The following GALNT18 variants were observed in gnomAD, a reference collection of about 807,000 sequenced individuals.
GALNT18 encodes polypeptide N-acetylgalactosaminyltransferase 18, also known as GalNAc-transferase 18.
In GALNT18, 44 loss-of-function variants were observed where a neutral mutation model predicts 69.5. That is an observed-to-expected ratio of 0.63 (90% CI 0.50 to 0.81). The LOEUF (loss-of-function observed/expected upper bound fraction) is 0.81. GALNT18 is among the 40% of genes least tolerant of loss of function. The pLI, the probability that GALNT18 is intolerant of heterozygous loss-of-function variation, is 0.00. For synonymous variants in GALNT18, 364 were observed against 318.2 expected, an observed-to-expected ratio of 1.14 and a Z score of -1.53; for missense variants, 715 against 810.0, an observed-to-expected ratio of 0.88 and a Z score of 1.42.
At chr11:11,287,928 C>T (rs534764379) in intron 10 of GALNT18, among the ~76,000 whole-genome samples, 1 of 152,272 alleles carries the variant, frequency 6.6e-6, no homozygotes, top group Non-Finnish European at 1.5e-5. Flanking sequence ...GTGTAATAAC[C>T]TGCTGAAATG....
At chr11:11,375,644 TC>T (rs550390892) in intron 5 of GALNT18, among the ~76,000 whole-genome samples, 32 of 152,290 alleles carry the variant, frequency 2.1e-4, no homozygotes, top group African/African-American at 7.2e-4. Context: ...GCCATTCACC[TC>T]TCTCAGTCTT....
chr11:11,504,082 A>G (rs1376333487), intron 1 of GALNT18, among the ~76,000 whole-genome samples: 3 of 152,214 alleles, frequency 2.0e-5, no homozygotes, highest in Non-Finnish European at 4.4e-5. Context: ...GTTTCCTTCT[A>G]TATCATGAAG....
intron 7 of GALNT18, among the ~76,000 whole-genome samples, chr11:11,334,066 G>A (rs1042440083): frequency 1.3e-5 from 2 of 152,210 alleles, no homozygotes; most frequent in Middle Eastern, 3.4e-3. Flanking sequence ...CTCTCTCACC[G>A]ACACTGTGGT....
intron 1 of GALNT18, among the ~76,000 whole-genome samples, chr11:11,610,790 A>C (rs1859879318): frequency 6.6e-6 from 1 of 152,200 alleles, no homozygotes; most frequent in Non-Finnish European, 1.5e-5. Context: ...AAAATGTTAA[A>C]AGACTCACTT....
chr11:11,315,990 G>A lies in GALNT18; in HGVS notation c.1512+11096C>T, dbSNP rs1023096759. Reference sequence around the variant, plus strand: ...TGTACTGACATGAATGGTGGCCCCTGGAACCGTGCGAGGTGACAGCTCAGA... The same window carrying A: ...TGTACTGACATGAATGGTGGCCCCTAGAACCGTGCGAGGTGACAGCTCAGA... On this transcript the variant is annotated intron_variant, in intron 9 of 10. Coordinates refer to ENST00000227756, the MANE Select transcript of GALNT18 (RefSeq NM_198516.3). This position sits in a 1 kb window ranked among gnomAD's most constrained non-coding sequence, Gnocchi z 5.6. 2.0e-5 allele frequency among the ~76,000 whole-genome samples: 3 copies of A among 152,072 alleles called. No homozygotes were observed. Among genetic ancestry groups the A allele is most frequent in the African/African-American group, 4.8e-5 (2 of 41,416 alleles).
rs912928870 is a variant in GALNT18 at position 11,600,916 on chromosome 11, ATTT to A, written c.235+20440_235+20442del. Reference sequence around the variant, plus strand: ...TACTTTCTTCTGCCAACTCAAATATATTTTTAAGTGCCCCAGTGATTTTTTCTT... The same window carrying A: ...TACTTTCTTCTGCCAACTCAAATATATTAAGTGCCCCAGTGATTTTTTCTT... On this transcript the variant is annotated intron_variant, in intron 1 of 10. Coordinates refer to ENST00000227756, the MANE Select transcript of GALNT18 (RefSeq NM_198516.3). This position sits in a 1 kb window ranked among gnomAD's most constrained non-coding sequence, Gnocchi z 4.8. 1.3e-4 allele frequency among the ~76,000 whole-genome samples: 20 copies of A among 152,222 alleles called. No homozygotes were observed. Among genetic ancestry groups the A allele is most frequent in the African/African-American group, 4.6e-4 (19 of 41,560 alleles).
chr11:11,332,862 C>A lies in GALNT18; in HGVS notation c.1279-31G>T, dbSNP rs1328909989. ...CAGGGACGCAGAAGCAGAGATGAAG[C>A]CACTCCCAGGTTGCAGCTTCTCCCC... On this transcript the variant is annotated intron_variant, in intron 7 of 10. Transcript: ENST00000227756. This position sits in a 1 kb window ranked among gnomAD's most constrained non-coding sequence, Gnocchi z 4.3. 4 of 1,606,928 alleles carry A rather than the reference C, an allele frequency of 2.5e-6. No homozygotes were observed. In the African/African-American group the frequency reaches 5.3e-5, roughly 21 times the overall value.
intron 3 of GALNT18, among the ~76,000 whole-genome samples, chr11:11,380,046 C>T (rs1853871681): frequency 6.6e-6 from 1 of 152,242 alleles, no homozygotes; most frequent in Non-Finnish European, 1.5e-5. Flanking sequence ...TTCTAAAGTT[C>T]CTTTTGAACC....
intron 5 of GALNT18, among the ~76,000 whole-genome samples, chr11:11,373,132 C>T (rs895548638): frequency 2.6e-5 from 4 of 151,964 alleles, no homozygotes; most frequent in African/African-American, 9.7e-5. Flanking sequence ...AAATAGGTGT[C>T]CATGAGGAAT....
intron 8 of GALNT18, among the ~76,000 whole-genome samples, chr11:11,327,751 C>T (rs914382894): frequency 1.3e-5 from 2 of 152,182 alleles, no homozygotes; most frequent in Admixed American, 6.5e-5. Flanking sequence ...CTCTTATCCT[C>T]ACCTACAGGT....
At chr11:11,367,812 C>G (rs1313740375) in intron 6 of GALNT18, among the ~76,000 whole-genome samples, 1 of 152,232 alleles carries the variant, frequency 6.6e-6, no homozygotes, top group Non-Finnish European at 1.5e-5. Context: ...ACAAGTCTTA[C>G]ATTTTCCATA....
At chr11:11,395,348 C>T (rs1854302644) in intron 3 of GALNT18, among the ~76,000 whole-genome samples, 1 of 152,228 alleles carries the variant, frequency 6.6e-6, no homozygotes, top group Non-Finnish European at 1.5e-5. Context: ...GACAGGTGGC[C>T]TTGGCCTGCT....
At chr11:11,296,683 G>A (rs1026449969) in intron 9 of GALNT18, among the ~76,000 whole-genome samples, 3 of 152,214 alleles carry the variant, frequency 2.0e-5, no homozygotes, top group Admixed American at 2.0e-4. Flanking sequence ...AGAGACGTGT[G>A]CACTTACTAT....
rs1856887011 is a variant in GALNT18, at chr11:11,497,365, CACA to C, written c.236-48432_236-48430del. ...ACACACACACACACACACACACACA[CACA>C]CACCCCTTAGAATGGGGCTCCTTAA... On this transcript the variant is annotated intron_variant, in intron 1 of 10. Coordinates refer to ENST00000227756, the MANE Select transcript of GALNT18 (RefSeq NM_198516.3). The surrounding 1 kb of genome is among the most constrained non-coding windows in gnomAD (Gnocchi z 4.2). 6.7e-6 allele frequency among the ~76,000 whole-genome samples: 1 copy of C among 150,216 alleles called. No homozygotes were observed. The highest frequency in any genetic ancestry group is 2.5e-5 in the African/African-American group (1 of 40,748).
At chr11:11,393,787 G>C (rs565527776) in intron 3 of GALNT18, among the ~76,000 whole-genome samples, 2 of 152,182 alleles carry the variant, frequency 1.3e-5, no homozygotes, top group Non-Finnish European at 2.9e-5. Flanking sequence ...ATTTTTTCCA[G>C]ATCCCTCTAT....
In GALNT18 at chr11:11,621,456, C is replaced by T. The variant is rs777232918; in HGVS notation, c.138G>A (p.Pro46=). ...IASVYVRGQE[P]APDKKLEEDK... ...CTTCCTCCAGCTTCTTGTCGGGCGC[C>T]GGCTCCTGCCCCCGCACATACACGC... Residue 46 remains proline (P), a synonymous_variant, in exon 1 of 11, where the codon CCG becomes CCA. Coordinates refer to ENST00000227756, the MANE Select transcript of GALNT18 (RefSeq NM_198516.3). The surrounding 1 kb of genome is among the most constrained non-coding windows in gnomAD (Gnocchi z 9.3). The T allele has an allele frequency of 4.3e-6, 7 of 1,614,058 alleles. No individual in the cohort carries two copies. In the Admixed American group the frequency reaches 5.0e-5, roughly 12 times the overall value.
In GALNT18 at chr11:11,523,556, A is replaced by G. The variant is rs751911884; in HGVS notation, c.236-74620T>C. ...AACACAGTGAAACCCCGTCTCTACT[A>G]AAAATACAAAAAATTAGCCAGGCGT... is the stretch of plus-strand genomic sequence containing the variant. On this transcript the variant is annotated intron_variant, in intron 1 of 10. Transcript: ENST00000227756. The surrounding 1 kb of genome is among the most constrained non-coding windows in gnomAD (Gnocchi z 4.3). Among the ~76,000 whole-genome samples the G allele has an allele frequency of 6.6e-5, 10 of 152,070 alleles. No homozygotes were observed. Among genetic ancestry groups the G allele is most frequent in the Non-Finnish European group, 1.3e-4 (9 of 67,964 alleles).
At chr11:11,394,911 A>G (rs1025808516) in intron 3 of GALNT18, among the ~76,000 whole-genome samples, 4 of 152,216 alleles carry the variant, frequency 2.6e-5, no homozygotes, top group Non-Finnish European at 4.4e-5. Context: ...GAAACGACTC[A>G]TAGACCACCC....
chr11:11,423,229 T>C (rs562812112), intron 3 of GALNT18, among the ~76,000 whole-genome samples: 38 of 152,352 alleles, frequency 2.5e-4, no homozygotes, highest in Non-Finnish European at 1.6e-4. Flanking sequence ...TGGATATGCA[T>C]GCAAGGCATG....
Sources: allele counts gnomAD v4.1 joint callset (sites outside exome capture counted in the v4.1 genomes callset), GRCh38; gene constraint gnomAD v4.1.1; non-coding constraint Gnocchi (gnomAD v3.1); transcripts MANE v1.5; gene names NCBI Gene and HGNC (gene_info 2026-07-23, HGNC 2026-07-21).